CPEB3: variants seen among roughly 807,000 people sequenced by gnomAD.
The protein encoded by CPEB3 is cytoplasmic polyadenylation element-binding protein 3.
Under a neutral mutation model 67.2 loss-of-function variants are expected in CPEB3, and 20 were observed. That is an observed-to-expected ratio of 0.30 (90% CI 0.21 to 0.43). The LOEUF is 0.43. Among genes scored for constraint, CPEB3 ranks in the 20% least tolerant of loss-of-function variants. The pLI is 1.00. For synonymous variants in CPEB3, 376 were observed against 393.1 expected (o/e 0.96, Z 0.51); for missense variants, 746 against 968.6 (o/e 0.77, Z 3.05).
At chr10:92,148,219 C>A (rs1316394559) in intron 4 of CPEB3, among the ~76,000 whole-genome samples, 1 of 152,174 alleles carries the variant, frequency 6.6e-6, no homozygotes, top group Non-Finnish European at 1.5e-5. Flanking sequence ...CTGCACACCC[C>A]TTCTACGTCA....
chr10:92,208,703 C>T (rs1458241998), intron 2 of CPEB3, among the ~76,000 whole-genome samples: 2 of 151,798 alleles, frequency 1.3e-5, no homozygotes, highest in Non-Finnish European at 2.9e-5. Context: ...AAGCCATTCT[C>T]ATGCCTCAGC....
At chr10:92,200,486 G>A (rs1849469426) in intron 2 of CPEB3, among the ~76,000 whole-genome samples, 1 of 146,820 alleles carries the variant, frequency 6.8e-6, no homozygotes, top group Admixed American at 6.9e-5. Context: ...CAGAGGTTGA[G>A]GTGAGCCGAG....
At chr10:92,191,692 T>G (rs1848993618) in intron 3 of CPEB3, among the ~76,000 whole-genome samples, 1 of 152,230 alleles carries the variant, frequency 6.6e-6, no homozygotes, top group Non-Finnish European at 1.5e-5. Flanking sequence ...TGGCTACCTC[T>G]TCACAGTTTT....
intron 4 of CPEB3, among the ~76,000 whole-genome samples, chr10:92,179,715 T>C (rs774736766): frequency 2.0e-5 from 3 of 152,118 alleles, no homozygotes; most frequent in African/African-American, 4.8e-5. Context: ...ATACTAGCAA[T>C]CTAGAAAAAA....
At chr10:92,189,276 T>C (rs573097063) in intron 3 of CPEB3, among the ~76,000 whole-genome samples, 1 of 152,316 alleles carries the variant, frequency 6.6e-6, no homozygotes, top group South Asian at 2.1e-4. Context: ...TATCCTTCAA[T>C]AATCACTACT....
At chr10:92,230,065 C>T (rs966894222) in intron 2 of CPEB3, among the ~76,000 whole-genome samples, 1 of 151,648 alleles carries the variant, frequency 6.6e-6, no homozygotes, top group African/African-American at 2.4e-5. Context: ...AAAAGAAATA[C>T]TAGAATGGAG....
At position 92,195,081 on chromosome 10, in the gene CPEB3, A is replaced by G. The variant is rs538610130; in HGVS notation, c.1006-2445T>C. Among the ~76,000 whole-genome samples, 120 of 150,446 alleles carry G rather than the reference A, an allele frequency of 8.0e-4. 1 individual carries two copies. Among genetic ancestry groups the G allele is most frequent in the Admixed American group, 2.8e-3 (42 of 15,016 alleles). ...CACACACACACACACACACACACAC[A>G]CGTACAAAAAAAAAACTAAGTTAAT... On this transcript the variant is annotated intron_variant, in intron 2 of 9. Transcript: ENST00000265997.
intron 1 of CPEB3, among the ~76,000 whole-genome samples, chr10:92,276,692 G>A (rs140235900): frequency 4.6e-5 from 7 of 152,218 alleles, no homozygotes; most frequent in East Asian, 1.9e-4. Context: ...TTCATTTCTC[G>A]GGTATATAGC....
intron 2 of CPEB3, among the ~76,000 whole-genome samples, chr10:92,233,229 TA>T (rs1264912258): frequency 3.3e-5 from 5 of 151,696 alleles, no homozygotes; most frequent in Non-Finnish European, 5.9e-5. Flanking sequence ...AAGATGGTCT[TA>T]AAAAAAAGAA....
chr10:92,199,102 G>T (rs1036468819), intron 2 of CPEB3, among the ~76,000 whole-genome samples: 1 of 152,122 alleles, frequency 6.6e-6, no homozygotes, highest in Admixed American at 6.5e-5. Context: ...CATAAGAAAC[G>T]ATTAACTGGC....
chr10:92,219,882 G>T (rs1320794724), intron 2 of CPEB3, among the ~76,000 whole-genome samples: 1 of 152,190 alleles, frequency 6.6e-6, no homozygotes, highest in East Asian at 1.9e-4. Flanking sequence ...TCCAGGCCGG[G>T]CATGGTGGCT....
At chr10:92,256,571 T>C (rs1852524365) in intron 1 of CPEB3, among the ~76,000 whole-genome samples, 1 of 151,942 alleles carries the variant, frequency 6.6e-6, no homozygotes, top group Admixed American at 6.6e-5. Flanking sequence ...GTATTTTTAG[T>C]AGATGGGGTT....
intron 2 of CPEB3, among the ~76,000 whole-genome samples, chr10:92,223,056 T>C (rs1179518414): frequency 3.9e-5 from 6 of 152,222 alleles, no homozygotes; most frequent in East Asian, 1.9e-4. Context: ...ACATGATTAA[T>C]TGGTTAGGAA....
chr10:92,267,619 A>C (rs1330219726), intron 1 of CPEB3, among the ~76,000 whole-genome samples: 1 of 152,204 alleles, frequency 6.6e-6, no homozygotes, highest in Non-Finnish European at 1.5e-5. Context: ...GAGTAGAAAC[A>C]GAAACAGATT....
At chr10:92,098,754 C>T (rs1590131984) in intron 7 of CPEB3, among the ~76,000 whole-genome samples, 2 of 148,130 alleles carry the variant, frequency 1.4e-5, no homozygotes, top group African/African-American at 5.0e-5. Context: ...ACCAGTTTAA[C>T]TATTTTTCTT....
At chr10:92,206,076 CTTTT>C (rs575156457) in intron 2 of CPEB3, among the ~76,000 whole-genome samples, 3 of 139,242 alleles carry the variant, frequency 2.2e-5, no homozygotes, top group Admixed American at 7.2e-5. Flanking sequence ...CCAGTAAATA[CTTTT>C]TTTTTTTTTT....
At chr10:92,290,179 G>A (rs1360154799) in intron 1 of CPEB3, among the ~76,000 whole-genome samples, 1 of 151,986 alleles carries the variant, frequency 6.6e-6, no homozygotes, top group Non-Finnish European at 1.5e-5. Flanking sequence ...ATAATCAAGG[G>A]AAAACTACCA....
intron 7 of CPEB3, among the ~76,000 whole-genome samples, chr10:92,107,984 T>C (rs1844553547): frequency 6.6e-6 from 1 of 152,178 alleles, no homozygotes; most frequent in South Asian, 2.1e-4. Context: ...AGTATGATCC[T>C]GGACAAGATG....
chr10:92,216,840 TGACGGCAGGAC>T, intron 2 of CPEB3: 2 of 1,574,346 alleles, frequency 1.3e-6, no homozygotes, highest in Non-Finnish European at 1.7e-6. Flanking sequence ...GCTACTGGGC[TGACGGCAGGAC>T]GACTGGCTGT....
Sources: gnomAD v4.1 joint callset for allele counts (sites outside exome capture counted in the v4.1 genomes callset) on GRCh38, gnomAD v4.1.1 for gene constraint, MANE v1.5 for transcripts, NCBI Gene and HGNC (gene_info 2026-07-23, HGNC 2026-07-21) for gene names.